Variants in CADM2 observed in about 807,000 individuals in gnomAD.
CADM2 encodes the protein immunoglobulin superfamily member 4D.
CADM2 carries 12 observed loss-of-function variants against 49.8 expected under a neutral mutation model. That is an observed-to-expected ratio of 0.24 (90% CI 0.15 to 0.39). CADM2 has a LOEUF of 0.39. Ranked by LOEUF, CADM2 falls within the 10% of genes least tolerant of loss-of-function variation. CADM2 has a pLI of 1.00. For synonymous variants in CADM2, 214 were observed against 175.4 expected (o/e 1.22, Z -1.74); for missense variants, 378 against 492.3 (o/e 0.77, Z 2.20).
At chr3:85,703,628 G>A (rs1174903327) in intron 1 of CADM2, among the ~76,000 whole-genome samples, 1 of 152,120 alleles carries the variant, frequency 6.6e-6, no homozygotes, top group Non-Finnish European at 1.5e-5. Flanking sequence ...TTTTTGAGAT[G>A]TTTTATTGCC....
intron 1 of CADM2, among the ~76,000 whole-genome samples, chr3:85,407,724 T>A (rs2035456578): frequency 1.3e-5 from 2 of 152,088 alleles, no homozygotes; most frequent in South Asian, 4.1e-4. Flanking sequence ...GGCTCACAAC[T>A]GTAATCTCAG....
At chr3:85,865,110 G>A (rs945315293) in intron 3 of CADM2, among the ~76,000 whole-genome samples, 1 of 152,186 alleles carries the variant, frequency 6.6e-6, no homozygotes, top group African/African-American at 2.4e-5. Flanking sequence ...CACTGCTACA[G>A]GCCTGCAAGC....
intron 5 of CADM2, among the ~76,000 whole-genome samples, chr3:85,893,912 A>G (rs1714834524): frequency 1.3e-5 from 2 of 152,166 alleles, no homozygotes; most frequent in South Asian, 2.1e-4. Flanking sequence ...CTGTAAACGA[A>G]TTCAACCGTT....
At chr3:85,731,385 A>G (rs2067924077) in intron 2 of CADM2, among the ~76,000 whole-genome samples, 1 of 152,204 alleles carries the variant, frequency 6.6e-6, no homozygotes, top group Non-Finnish European at 1.5e-5. Context: ...GAGCACCTGG[A>G]CAAATTTTCA....
intron 8 of CADM2, among the ~76,000 whole-genome samples, chr3:85,975,211 A>G (rs1232074332): frequency 2.6e-5 from 4 of 151,420 alleles, no homozygotes; most frequent in South Asian, 2.1e-4. Flanking sequence ...TATTTATTTT[A>G]ATATACCATG....
At chr3:85,134,097 G>T (rs964703270) in intron 1 of CADM2, among the ~76,000 whole-genome samples, 45 of 152,230 alleles carry the variant, frequency 3.0e-4, no homozygotes, top group African/African-American at 1.1e-3. Context: ...CGCAGCCGCT[G>T]GCCCAGGTGC....
At chr3:85,379,084 G>A (rs1174082580) in intron 1 of CADM2, among the ~76,000 whole-genome samples, 1 of 151,840 alleles carries the variant, frequency 6.6e-6, no homozygotes, top group Non-Finnish European at 1.5e-5. Flanking sequence ...TTTACATTAG[G>A]TAAATCAAGC....
chr3:85,201,857 C>T (rs373485810), intron 1 of CADM2, among the ~76,000 whole-genome samples: 12 of 151,902 alleles, frequency 7.9e-5, no homozygotes, highest in South Asian at 2.1e-4. Context: ...CCGAGGAGGG[C>T]GGATCACAAG....
chr3:85,448,021 G>A (rs1269646788), intron 1 of CADM2, among the ~76,000 whole-genome samples: 2 of 151,994 alleles, frequency 1.3e-5, no homozygotes, highest in African/African-American at 4.8e-5. Flanking sequence ...TGATGATGAT[G>A]GTTTAATTGC....
At chr3:85,299,551 G>A (rs2044044019) in intron 1 of CADM2, among the ~76,000 whole-genome samples, 1 of 152,056 alleles carries the variant, frequency 6.6e-6, no homozygotes, top group Non-Finnish European at 1.5e-5. Flanking sequence ...TGGATCAGAA[G>A]ATGTCAACCT....
At chr3:85,125,761 G>T (rs970803956) in intron 1 of CADM2, among the ~76,000 whole-genome samples, 4 of 151,952 alleles carry the variant, frequency 2.6e-5, no homozygotes, top group Non-Finnish European at 5.9e-5. Flanking sequence ...GTAGCATCCT[G>T]GATCAAAATT....
At chr3:85,296,233 A>G (rs1205319828) in intron 1 of CADM2, among the ~76,000 whole-genome samples, 1 of 152,078 alleles carries the variant, frequency 6.6e-6, no homozygotes, top group Non-Finnish European at 1.5e-5. Context: ...CTATAGTTTG[A>G]GTTCATGAGG....
intron 1 of CADM2, among the ~76,000 whole-genome samples, chr3:85,336,979 A>AAT (rs549422386): frequency 0.01 from 217 of 21,532 alleles, no homozygotes; most frequent in Admixed American, 0.018. Flanking sequence ...ATATATATTT[A>AAT]ATATATATAT....
At position 85,423,009 on chromosome 3, in the gene CADM2, G is replaced by A. The variant is rs140645219; in HGVS notation, c.62-303513G>A. Among the ~76,000 whole-genome samples the A allele has an allele frequency of 4.7e-4, 71 of 152,244 alleles. No homozygotes were observed. The East Asian group carries it at 8.1e-3, about 17-fold the overall frequency. ...GCGTCCAGGAAGAATCAGGATACAT[G>A]GACTTGAAGGAAGGTGAATGCAGGG... On this transcript the variant is annotated intron_variant, in intron 1 of 9. Coordinates refer to ENST00000383699, the MANE Select transcript of CADM2 (RefSeq NM_001167675.2).
chr3:85,648,223 C>T (rs769301349), intron 1 of CADM2, among the ~76,000 whole-genome samples: 2 of 151,840 alleles, frequency 1.3e-5, no homozygotes, highest in African/African-American at 4.8e-5. Context: ...TATTTAATGT[C>T]TTCCCGTTAT....
At chr3:85,257,279 A>G (rs1472997353) in intron 1 of CADM2, among the ~76,000 whole-genome samples, 3 of 152,248 alleles carry the variant, frequency 2.0e-5, no homozygotes, top group Admixed American at 6.6e-5. Flanking sequence ...TGTGAGGTGA[A>G]AAAACATCTC....
intron 3 of CADM2, among the ~76,000 whole-genome samples, chr3:85,810,532 GTTTTTTTTTT>G (rs71112120): frequency 5.7e-5 from 5 of 87,186 alleles, no homozygotes; most frequent in African/African-American, 1.7e-4. Context: ...ATAGAATTCT[GTTTTTTTTTT>G]TTTTTTTTTT....
At chr3:85,387,259 T>C (rs1030965007) in intron 1 of CADM2, among the ~76,000 whole-genome samples, 5 of 152,224 alleles carry the variant, frequency 3.3e-5, no homozygotes, top group South Asian at 2.1e-4. Flanking sequence ...ACTTCTGTTT[T>C]GCATGGGATA....
intron 8 of CADM2, among the ~76,000 whole-genome samples, chr3:86,058,272 T>G (rs1323129985): frequency 6.6e-6 from 1 of 152,242 alleles, no homozygotes; most frequent in Non-Finnish European, 1.5e-5. Context: ...ATGAGTCTTT[T>G]AAAAGGCTGA....
Sources: gnomAD v4.1 joint callset for allele counts (sites outside exome capture counted in the v4.1 genomes callset) on GRCh38, gnomAD v4.1.1 for gene constraint, MANE v1.5 for transcripts, NCBI Gene and HGNC (gene_info 2026-07-23, HGNC 2026-07-21) for gene names.